Variants in COL13A1 observed in about 807,000 individuals in gnomAD.
COL13A1 encodes collagen alpha-1(XIII) chain.
COL13A1 carries 89 observed loss-of-function variants against 130.9 expected under a neutral mutation model. That is an observed-to-expected ratio of 0.68 (90% confidence interval 0.57 to 0.81). The LOEUF (loss-of-function observed/expected upper bound fraction) is 0.81. Ranked by LOEUF, COL13A1 falls within the 30% of genes least tolerant of loss-of-function variation. The pLI is 0.00. For missense variants in COL13A1, 879 were observed against 934.6 expected, an observed-to-expected ratio of 0.94 and a Z score of 0.78; for synonymous variants, 402 against 341.6, an observed-to-expected ratio of 1.18 and a Z score of -1.95.
At chr10:69,887,341 C>G in intron 7 of COL13A1, 115 bp from the exon 8 acceptor site, 1 of 1,076,338 alleles carries the variant, frequency 9.3e-7, no homozygotes, top group Non-Finnish European at 1.4e-6. Context: ...GAGTGTCCCC[C>G]AAGGACGATC....
chr10:69,883,550 C>T (rs776870140), intron 7 of COL13A1, among the ~76,000 whole-genome samples: 5 of 152,176 alleles, frequency 3.3e-5, no homozygotes, highest in Non-Finnish European at 5.9e-5. Context: ...GTGGGTGACA[C>T]CAGTGATCAC....
rs1809388098 is a variant in COL13A1, at chr10:69,958,874, A to G, written c.*173A>G. The G allele has an allele frequency of 8.9e-6, 8 of 900,054 alleles. No individual in the cohort carries two copies. The South Asian group carries it at 9.2e-5, about 10-fold the overall frequency. 55.8% of individuals were successfully genotyped at this position (900,054 alleles called of 1,614,324 possible). ...AATATCAACCTCTTCCCTTTTGTTT[A>G]CAAGATGTTTTGTATAAGCCTATGT... On this transcript the variant is annotated 3_prime_UTR_variant, in exon 41 of 41. Coordinates refer to ENST00000645393, the MANE Select transcript of COL13A1 (RefSeq NM_001368882.1).
At chr10:69,867,244 C>T (rs1042764828) in intron 2 of COL13A1, among the ~76,000 whole-genome samples, 45 of 152,254 alleles carry the variant, frequency 3.0e-4, no homozygotes, top group African/African-American at 9.9e-4. Context: ...GGGTGGCAGA[C>T]CCTGGAGGGG....
At chr10:69,868,251 A>G (rs1156456909) in intron 3 of COL13A1, among the ~76,000 whole-genome samples, 1 of 152,168 alleles carries the variant, frequency 6.6e-6, no homozygotes, top group Non-Finnish European at 1.5e-5. Context: ...CAGGGGACTC[A>G]CATCCACACC....
At chr10:69,849,372 C>T (rs891368086) in intron 2 of COL13A1, among the ~76,000 whole-genome samples, 21 of 152,212 alleles carry the variant, frequency 1.4e-4, no homozygotes, top group Non-Finnish European at 8.8e-5. Flanking sequence ...CGCAGCAGTG[C>T]CCCCTGATCA....
At chr10:69,945,458 C>T (rs1056330594) in intron 36 of COL13A1, among the ~76,000 whole-genome samples, 7 of 152,188 alleles carry the variant, frequency 4.6e-5, no homozygotes, top group African/African-American at 1.2e-4. Flanking sequence ...GGGGGATAGG[C>T]TCTGCTGGAG....
chr10:69,807,632 G>C (rs1444172007), intron 1 of COL13A1, among the ~76,000 whole-genome samples: 1 of 152,184 alleles, frequency 6.6e-6, no homozygotes, highest in Non-Finnish European at 1.5e-5. Flanking sequence ...GACTCTTAAA[G>C]GGGATGTACA....
intron 2 of COL13A1, among the ~76,000 whole-genome samples, chr10:69,860,279 G>T (rs1857607813): frequency 6.6e-6 from 1 of 152,230 alleles, no homozygotes; most frequent in Non-Finnish European, 1.5e-5. Flanking sequence ...AAGCCCTCAA[G>T]GTCAGGGACA....
intron 2 of COL13A1, among the ~76,000 whole-genome samples, chr10:69,861,298 T>A (rs4746925): frequency 0.33 from 50,576 of 152,000 alleles, 8,614 homozygotes; most frequent in East Asian, 0.35. Flanking sequence ...GCCACTCAGG[T>A]TGCTGTCAGG....
intron 13 of COL13A1, 30 bp downstream of exon 13, chr10:69,895,606 A>G (rs2061556945): frequency 6.2e-7 from 1 of 1,612,824 alleles, no homozygotes; most frequent in East Asian, 2.2e-5. Flanking sequence ...TTAGCAGGGC[A>G]CTTTGATCCA....
At chr10:69,958,130 G>A (rs998970417) in intron 40 of COL13A1, among the ~76,000 whole-genome samples, 2 of 152,018 alleles carry the variant, frequency 1.3e-5, no homozygotes, top group African/African-American at 4.8e-5. Flanking sequence ...ACACTCAAGA[G>A]AGATGCCTCC....
chr10:69,918,260 A>G, intron 18 of COL13A1, 25 bp from the exon 19 acceptor site: 1 of 1,607,144 alleles, frequency 6.2e-7, no homozygotes. Flanking sequence ...ATGTCTTCAG[A>G]CCTTTTTTTT....
chr10:69,822,422 A>T lies in COL13A1; in HGVS notation c.348A>T (p.Gly116=). 6.3e-7 allele frequency: 1 copy of T among 1,593,722 alleles called. No homozygotes were observed. The highest frequency in any genetic ancestry group is 8.5e-7 in the Non-Finnish European group (1 of 1,170,390). ...GGGAGGCCCCAAAGACATCTCCAGG[A>T]TGTAACTGCCCACCAGGTAAGCAGC... ...RRREAPKTSP[G]CNCPPGPPGP... The change falls in exon 2 of 41, where the codon GGA becomes GGT. Residue 116 remains glycine (G), a synonymous_variant. Transcript: ENST00000645393.
chr10:69,953,132 T>A (rs147797313), intron 39 of COL13A1, among the ~76,000 whole-genome samples, 164 bp downstream of exon 39: 9 of 152,238 alleles, frequency 5.9e-5, no homozygotes, highest in African/African-American at 1.9e-4. Context: ...CGCTGTTGGA[T>A]TTGCTTTGTA....
At chr10:69,835,735 C>G (rs1429341552) in intron 2 of COL13A1, among the ~76,000 whole-genome samples, 1 of 152,218 alleles carries the variant, frequency 6.6e-6, no homozygotes, top group Non-Finnish European at 1.5e-5. Flanking sequence ...AAGTGCTACC[C>G]TGGAGCACAG....
intron 1 of COL13A1, among the ~76,000 whole-genome samples, chr10:69,813,141 A>C (rs1843487559): frequency 6.6e-6 from 1 of 152,238 alleles, no homozygotes; most frequent in Admixed American, 6.5e-5. Flanking sequence ...TGTGAAAGGC[A>C]GGAAAGGAGG....
At chr10:69,874,120 C>T (rs996709082) in intron 4 of COL13A1, among the ~76,000 whole-genome samples, 3 of 152,256 alleles carry the variant, frequency 2.0e-5, no homozygotes, top group Non-Finnish European at 4.4e-5. Context: ...ACATTTTACT[C>T]AAAGCCACCG....
intron 10 of COL13A1, 130 bp from the exon 11 acceptor site, chr10:69,894,422 C>T (rs781690945): frequency 2.1e-5 from 21 of 1,020,354 alleles, no homozygotes; most frequent in Admixed American, 4.3e-5. Context: ...ATGTGGTGGG[C>T]ATGGGAAGAC....
At chr10:69,865,046 A>C (rs1414409308) in intron 2 of COL13A1, among the ~76,000 whole-genome samples, 1 of 152,228 alleles carries the variant, frequency 6.6e-6, no homozygotes, top group African/African-American at 2.4e-5. Flanking sequence ...TAGTACGGGC[A>C]GTACCTCAGC....
Sources: gnomAD v4.1 joint callset for allele counts (sites outside exome capture counted in the v4.1 genomes callset) on GRCh38, gnomAD v4.1.1 for gene constraint, MANE v1.5 for transcripts, NCBI Gene and HGNC (gene_info 2026-07-23, HGNC 2026-07-21) for gene names.